Variants in FAF1 observed in about 807,000 individuals in gnomAD.
FAF1 encodes Fas associated factor 1.
In FAF1, 25 loss-of-function variants were observed where a neutral mutation model predicts 92.5. That is an observed-to-expected ratio of 0.27 (90% CI 0.20 to 0.38). FAF1 has a LOEUF of 0.38. Among genes scored for constraint, FAF1 ranks in the 10% least tolerant of loss-of-function variants. The pLI is 1.00. For missense variants in FAF1, 636 were observed against 793.3 expected (o/e 0.80, Z 2.38); for synonymous variants, 234 against 273.2 (o/e 0.86, Z 1.42).
intron 6 of FAF1, among the ~76,000 whole-genome samples, chr1:50,717,911 A>C (rs1658243159): frequency 6.6e-6 from 1 of 152,176 alleles, no homozygotes; most frequent in African/African-American, 2.4e-5. Flanking sequence ...AACCATAAAA[A>C]AATGCCTGAA....
chr1:50,949,466 A>G (rs983504928), intron 1 of FAF1, among the ~76,000 whole-genome samples: 6 of 152,224 alleles, frequency 3.9e-5, no homozygotes. Context: ...GTTTCCAGAC[A>G]TTGCCCAATG....
At chr1:50,689,817 T>C (rs182376019) in intron 7 of FAF1, among the ~76,000 whole-genome samples, 171 of 152,226 alleles carry the variant, frequency 1.1e-3, no homozygotes, top group African/African-American at 3.7e-3. Flanking sequence ...GCCATTCTAT[T>C]TTCTGTTACT....
chr1:50,491,095 G>T (rs1382907560), intron 16 of FAF1, among the ~76,000 whole-genome samples: 2 of 151,938 alleles, frequency 1.3e-5, no homozygotes, highest in Non-Finnish European at 2.9e-5. Context: ...CTCTTTCTCT[G>T]TCCAGTTCAC....
chr1:50,634,461 T>C (rs1317786524), intron 8 of FAF1, among the ~76,000 whole-genome samples: 1 of 152,230 alleles, frequency 6.6e-6, no homozygotes, highest in Non-Finnish European at 1.5e-5. Flanking sequence ...GCTGTTCAAA[T>C]GCAATAGACA....
intron 1 of FAF1, among the ~76,000 whole-genome samples, chr1:50,922,836 A>G (rs1644976205): frequency 6.6e-6 from 1 of 151,512 alleles, no homozygotes; most frequent in Admixed American, 6.6e-5. Context: ...AAAAAAAAAA[A>G]AAAGGCAAAA....
intron 1 of FAF1, among the ~76,000 whole-genome samples, chr1:50,876,535 G>T (rs572686965): frequency 7.2e-4 from 109 of 152,214 alleles, no homozygotes; most frequent in Non-Finnish European, 1.5e-3. Flanking sequence ...TACGTCAAAG[G>T]GATATAAAGC....
At chr1:50,510,848 G>C (rs1647125962) in intron 15 of FAF1, among the ~76,000 whole-genome samples, 1 of 152,132 alleles carries the variant, frequency 6.6e-6, no homozygotes, top group East Asian at 1.9e-4. Flanking sequence ...AAAGATATTT[G>C]AGAGGGTTAC....
At chr1:50,766,957 T>C (rs12069673) in intron 4 of FAF1, among the ~76,000 whole-genome samples, 3,035 of 152,152 alleles carry the variant, frequency 0.02, 100 homozygotes, top group African/African-American at 0.07. Flanking sequence ...CAGCAATAGG[T>C]CTTAACCAGG....
intron 2 of FAF1, among the ~76,000 whole-genome samples, chr1:50,820,981 C>A (rs187343788): frequency 6.6e-6 from 1 of 152,242 alleles, no homozygotes; most frequent in East Asian, 1.9e-4. Flanking sequence ...CATGTTACTA[C>A]TCTAAGATTT....
intron 1 of FAF1, 60 bp from the exon 2 acceptor site, chr1:50,858,057 A>C (rs1644404049): frequency 2.5e-6 from 3 of 1,207,488 alleles, no homozygotes; most frequent in Non-Finnish European, 3.6e-6. Context: ...GGTAAATCAG[A>C]CTTAAAAATG....
intron 15 of FAF1, among the ~76,000 whole-genome samples, chr1:50,506,742 C>A (rs1256311441): frequency 6.6e-6 from 1 of 152,050 alleles, no homozygotes. Context: ...ACATTATTAT[C>A]TTATTTAATC....
intron 1 of FAF1, among the ~76,000 whole-genome samples, chr1:50,919,557 G>A (rs899427203): frequency 3.3e-5 from 5 of 150,742 alleles, no homozygotes; most frequent in Admixed American, 6.6e-5. Context: ...GCACGGTCTC[G>A]GCTCACTGCA....
At chr1:50,711,432 T>C (rs1657923328) in intron 6 of FAF1, among the ~76,000 whole-genome samples, 1 of 151,686 alleles carries the variant, frequency 6.6e-6, no homozygotes, top group African/African-American at 2.4e-5. Flanking sequence ...CAAACATAAC[T>C]GTATATTGTG....
At chr1:50,865,685 T>G in intron 1 of FAF1, among the ~76,000 whole-genome samples, 1 of 84,922 alleles carries the variant, frequency 1.2e-5, no homozygotes, top group Non-Finnish European at 2.3e-5. Flanking sequence ...CTGGGGACTG[T>G]TGTGGGGTGG....
chr1:50,670,234 G>A (rs1439380558), intron 7 of FAF1, among the ~76,000 whole-genome samples: 2 of 151,926 alleles, frequency 1.3e-5, no homozygotes, highest in Non-Finnish European at 2.9e-5. Context: ...GTATCACCCA[G>A]CTAATTTTTG....
chr1:50,654,085 T>C (rs1383218631), intron 8 of FAF1, among the ~76,000 whole-genome samples: 1 of 152,226 alleles, frequency 6.6e-6, no homozygotes, highest in Non-Finnish European at 1.5e-5. Flanking sequence ...TCAAGTAGCA[T>C]CTACATAAAT....
intron 1 of FAF1, among the ~76,000 whole-genome samples, chr1:50,917,259 T>C (rs778914581): frequency 2.0e-5 from 3 of 152,188 alleles, no homozygotes; most frequent in Admixed American, 6.5e-5. Context: ...AATCATCTAT[T>C]TGCAGGCTCA....
At chr1:50,723,401 A>ACC in intron 6 of FAF1, among the ~76,000 whole-genome samples, 1 of 150,948 alleles carries the variant, frequency 6.6e-6, no homozygotes, top group Non-Finnish European at 1.5e-5. Flanking sequence ...CTGTCTCCAA[A>ACC]AAAAAAAAAA....
chr1:50,848,240 A>T (rs1050327128), intron 2 of FAF1, among the ~76,000 whole-genome samples: 1 of 152,264 alleles, frequency 6.6e-6, no homozygotes, highest in Non-Finnish European at 1.5e-5. Context: ...TACCAGAAGT[A>T]AAAACAGTAG....
Sources: gnomAD v4.1 joint callset for allele counts (sites outside exome capture counted in the v4.1 genomes callset) on GRCh38, gnomAD v4.1.1 for gene constraint, MANE v1.5 for transcripts, NCBI Gene and HGNC (gene_info 2026-07-23, HGNC 2026-07-21) for gene names.